Variants in MGMT observed in about 807,000 individuals in gnomAD.
The protein encoded by MGMT is methylated-DNA--protein-cysteine methyltransferase.
In MGMT, 14 loss-of-function variants were observed where a neutral mutation model predicts 15.9. The ratio of observed to expected loss-of-function variants is 0.88; its 90% confidence interval spans 0.58 to 1.37. The LOEUF is 1.37. MGMT is among the 40% of genes most tolerant of loss of function. MGMT has a pLI of 0.00. For missense variants in MGMT, 282 were observed against 268.1 expected (o/e 1.05, Z -0.36); for synonymous variants, 130 against 118.2 (o/e 1.10, Z -0.65).
At chr10:129,693,129 T>C (rs1264364251) in intron 2 of MGMT, among the ~76,000 whole-genome samples, 1 of 152,188 alleles carries the variant, frequency 6.6e-6, no homozygotes, top group Non-Finnish European at 1.5e-5. Flanking sequence ...TGTCTGATGG[T>C]CGTGTAAGTC....
At chr10:129,681,224 G>A (rs1442640119) in intron 2 of MGMT, among the ~76,000 whole-genome samples, 5 of 152,218 alleles carry the variant, frequency 3.3e-5, no homozygotes, top group African/African-American at 1.2e-4. Context: ...CGTGTGCCCC[G>A]CTGTGGCACT....
At chr10:129,485,392 C>T (rs1243185762) in intron 1 of MGMT, among the ~76,000 whole-genome samples, 2 of 152,220 alleles carry the variant, frequency 1.3e-5, no homozygotes, top group Non-Finnish European at 2.9e-5. Flanking sequence ...CTGCATCCAG[C>T]CGTTCTCTGG....
At chr10:129,655,869 A>G (rs1212138048) in intron 2 of MGMT, among the ~76,000 whole-genome samples, 1 of 152,194 alleles carries the variant, frequency 6.6e-6, no homozygotes, top group Non-Finnish European at 1.5e-5. Context: ...CACAGTGTCC[A>G]TATAGAGCAG....
intron 2 of MGMT, among the ~76,000 whole-genome samples, chr10:129,576,775 A>G (rs951665985): frequency 9.2e-5 from 14 of 152,348 alleles, no homozygotes; most frequent in African/African-American, 2.4e-4. Flanking sequence ...GTGATTGTAT[A>G]TCTAGAAAAC....
chr10:129,676,988 A>G (rs996426829), intron 2 of MGMT, among the ~76,000 whole-genome samples: 7 of 152,172 alleles, frequency 4.6e-5, no homozygotes, highest in Admixed American at 1.3e-4. Context: ...CATCTTACCC[A>G]TAGCTAAGTT....
chr10:129,475,617 A>G (rs1204247492), intron 1 of MGMT, among the ~76,000 whole-genome samples: 1 of 152,120 alleles, frequency 6.6e-6, no homozygotes, highest in African/African-American at 2.4e-5. Context: ...GTCGAGTCAG[A>G]TGGATGCTGT....
At chr10:129,606,119 A>G (rs1846887062) in intron 2 of MGMT, among the ~76,000 whole-genome samples, 1 of 152,192 alleles carries the variant, frequency 6.6e-6, no homozygotes, top group Non-Finnish European at 1.5e-5. Flanking sequence ...GACATAAGTA[A>G]TGATGGCATG....
At chr10:129,611,743 G>T (rs578248979) in intron 2 of MGMT, among the ~76,000 whole-genome samples, 4 of 152,128 alleles carry the variant, frequency 2.6e-5, no homozygotes, top group East Asian at 1.9e-4. Context: ...GTGCGCTCTG[G>T]GGGGGCCATA....
intron 1 of MGMT, among the ~76,000 whole-genome samples, chr10:129,515,405 A>G (rs1453512535): frequency 6.6e-6 from 1 of 152,232 alleles, no homozygotes; most frequent in Non-Finnish European, 1.5e-5. Context: ...GTTGAAGGGC[A>G]GTGCTCCTTA....
intron 2 of MGMT, among the ~76,000 whole-genome samples, chr10:129,537,585 AG>A (rs1382760119): frequency 2.6e-5 from 4 of 152,144 alleles, no homozygotes; most frequent in Non-Finnish European, 5.9e-5. Context: ...TTTGGGAAAA[AG>A]GTACAAAGTG....
intron 3 of MGMT, among the ~76,000 whole-genome samples, chr10:129,716,256 G>A (rs556616451): frequency 2.0e-5 from 3 of 152,324 alleles, no homozygotes; most frequent in South Asian, 2.1e-4. Flanking sequence ...CGCCCAGGAA[G>A]CACCCACTCT....
chr10:129,568,371 G>C (rs556041912), intron 2 of MGMT, among the ~76,000 whole-genome samples: 2 of 152,284 alleles, frequency 1.3e-5, no homozygotes, highest in African/African-American at 4.8e-5. Flanking sequence ...ATTCCTCCTC[G>C]TCAGGAGCCC....
At chr10:129,739,801 A>G (rs1418723154) in intron 3 of MGMT, among the ~76,000 whole-genome samples, 16 of 152,222 alleles carry the variant, frequency 1.1e-4, no homozygotes, top group African/African-American at 2.4e-5. Flanking sequence ...CTCCTCAGCT[A>G]TCATTAGTGT....
chr10:129,579,181 C>G (rs922520850), intron 2 of MGMT, among the ~76,000 whole-genome samples: 2 of 152,182 alleles, frequency 1.3e-5, no homozygotes, highest in Non-Finnish European at 2.9e-5. Context: ...GAAAAACGGC[C>G]ATTGTTTTGA....
In MGMT at chr10:129,567,498, G is replaced by A. The variant is rs111288873; in HGVS notation, c.125+31121G>A. ...GAGCCATCACCCTAAGAAGATTCAG[G>A]AATGGGATGATCATGGGGTTCAGGG... is the stretch of plus-strand genomic sequence containing the variant. On this transcript the variant is annotated intron_variant, in intron 2 of 4. Transcript: ENST00000651593. Among the ~76,000 whole-genome samples the A allele has an allele frequency of 6.9e-3, 1,048 of 152,246 alleles. 10 individuals are homozygous for A. Among genetic ancestry groups the A allele is most frequent in the Non-Finnish European group, 0.011 (739 of 68,030 alleles).
At chr10:129,561,559 G>T (rs187311324) in intron 2 of MGMT, among the ~76,000 whole-genome samples, 2 of 152,054 alleles carry the variant, frequency 1.3e-5, no homozygotes, top group African/African-American at 2.4e-5. Flanking sequence ...TGTCAATTTC[G>T]GTGTCAAGGT....
intron 2 of MGMT, among the ~76,000 whole-genome samples, chr10:129,676,366 A>G (rs890799768): frequency 6.6e-6 from 1 of 152,114 alleles, no homozygotes; most frequent in Non-Finnish European, 1.5e-5. Context: ...GTTGATGGCA[A>G]CAGCGCTGGG....
chr10:129,739,389 A>G (rs143818650), intron 3 of MGMT, among the ~76,000 whole-genome samples: 1,638 of 152,340 alleles, frequency 0.011, 32 homozygotes, highest in African/African-American at 0.035. Context: ...ACATGATTCT[A>G]TATTTAGAAA....
chr10:129,759,130 C>G (rs1412310357), intron 3 of MGMT, 72 bp from the exon 4 acceptor site: 13 of 1,560,994 alleles, frequency 8.3e-6, no homozygotes, highest in South Asian at 1.2e-5. Flanking sequence ...TGTTTTGGGA[C>G]TAGTGGCTAT....
Sources: gnomAD v4.1 joint callset for allele counts (sites outside exome capture counted in the v4.1 genomes callset) on GRCh38, gnomAD v4.1.1 for gene constraint, MANE v1.5 for transcripts, NCBI Gene and HGNC (gene_info 2026-07-23, HGNC 2026-07-21) for gene names.